The following DNM3 variants were observed in gnomAD, a reference collection of about 807,000 sequenced individuals.
DNM3 encodes dynamin 3.
In DNM3, 47 loss-of-function variants were observed where a neutral mutation model predicts 101.6. The observed-to-expected ratio is 0.46, with a 90% CI of 0.37 to 0.59. The LOEUF (loss-of-function observed/expected upper bound fraction) is 0.59, where lower values mean the gene tolerates loss of function less well. Among genes scored for constraint, DNM3 ranks in the 20% least tolerant of loss-of-function variants. The probability of loss-of-function intolerance (pLI) is 0.00; values close to 1 mark genes in which losing one functional copy is unlikely to be tolerated. For synonymous variants in DNM3, 385 were observed against 387.9 expected, an observed-to-expected ratio of 0.99 and a Z score of 0.09; for missense variants, 849 against 1,085.7, an observed-to-expected ratio of 0.78 and a Z score of 3.06.
At position 172,032,475 on chromosome 1, in the gene DNM3, G is replaced by A. The variant is rs756751584; in HGVS notation, c.663G>A (p.Glu221=). ...GAACGGATGCCAGGGATGTTCTAGA[G>A]AACAAACTGTTGCCTCTTCGCAGGG... ...DEGTDARDVL[E]NKLLPLRRGY... is the part of the protein sequence containing the mutation. Residue 221 remains glutamate, a synonymous_variant, in exon 5 of 21, where the codon GAG becomes GAA. Transcript: ENST00000627582. The A allele has an allele frequency of 2.6e-6, 4 of 1,567,140 alleles. No individual in the cohort carries two copies. Among genetic ancestry groups the A allele is most frequent in the African/African-American group, 2.8e-5 (2 of 72,004 alleles).
At chr1:172,178,783 A>G (rs988203011) in intron 14 of DNM3, among the ~76,000 whole-genome samples, 1 of 152,000 alleles carries the variant, frequency 6.6e-6, no homozygotes, top group Non-Finnish European at 1.5e-5. Context: ...GTTGATCATC[A>G]GTGATCTTTA....
intron 2 of DNM3, among the ~76,000 whole-genome samples, chr1:171,927,649 A>G (rs980260308): frequency 6.6e-6 from 1 of 152,222 alleles, no homozygotes; most frequent in African/African-American, 2.4e-5. Context: ...TTAAAAAAAT[A>G]TAGTACATAT....
chr1:172,191,885 G>A (rs2059738084), intron 14 of DNM3, among the ~76,000 whole-genome samples: 1 of 152,178 alleles, frequency 6.6e-6, no homozygotes, highest in South Asian at 2.1e-4. Flanking sequence ...AGACTTTGCT[G>A]AAGTTGCTTA....
rs1004629836 is a variant in DNM3 at position 172,325,535 on chromosome 1, A to AG, written c.1893+2195_1893+2196insG. Among the ~76,000 whole-genome samples, 464 of 152,140 alleles carry AG rather than the reference A, an allele frequency of 3.0e-3. 2 individuals carry two copies. Among genetic ancestry groups the AG allele is most frequent in the African/African-American group, 0.011 (441 of 41,482 alleles). On this transcript the variant is annotated intron_variant, in intron 17 of 20. Transcript: ENST00000627582. ...ACTGACCATAGACTCTGGCATAAAA[A>AG]AAAAGCCTCCTCAAATCACAAACAG... is the stretch of plus-strand genomic sequence containing the variant.
intron 4 of DNM3, among the ~76,000 whole-genome samples, chr1:172,007,635 C>T (rs2046785364): frequency 6.6e-6 from 1 of 152,002 alleles, no homozygotes. Flanking sequence ...TGATTATGCC[C>T]AATTTATCAA....
intron 18 of DNM3, 29 bp from the exon 19 acceptor site, chr1:172,387,104 A>G (rs1276031841): frequency 2.5e-6 from 4 of 1,580,244 alleles, no homozygotes; most frequent in Non-Finnish European, 3.5e-6. Flanking sequence ...ATTTATTCCC[A>G]TTTTTATTTC....
intron 14 of DNM3, chr1:172,137,619 G>A (rs1344984246): frequency 6.6e-6 from 1 of 152,118 alleles, no homozygotes; most frequent in Non-Finnish European, 1.5e-5. Context: ...CTTTAGTTAA[G>A]AATACATACA....
chr1:171,841,528 C>T lies in DNM3; in HGVS notation c.-129C>T. On this transcript the variant is annotated 5_prime_UTR_variant, in exon 1 of 21. Coordinates refer to ENST00000627582, the MANE Select transcript of DNM3 (RefSeq NM_015569.5). Reference sequence around the variant, plus strand: ...CAAGCGGCGGGCTGGCGGCGGGCTCCGACGTCTGCGCCAGGACCTGGCTGG... The same window carrying T: ...CAAGCGGCGGGCTGGCGGCGGGCTCTGACGTCTGCGCCAGGACCTGGCTGG... 1 of 1,313,606 alleles carries T rather than the reference C, an allele frequency of 7.6e-7. No individual in the cohort carries two copies. The highest frequency in any genetic ancestry group is 1.0e-6 in the Non-Finnish European group (1 of 995,044). The allele number at this position is 1,313,606 out of a possible 1,614,324, so 81.4% of individuals were successfully genotyped here.
At chr1:172,100,506 G>T (rs1445313881) in intron 13 of DNM3, among the ~76,000 whole-genome samples, 1 of 152,144 alleles carries the variant, frequency 6.6e-6, no homozygotes, top group Admixed American at 6.5e-5. Context: ...AACAAAGATT[G>T]CCAACATCCT....
rs1571228342 is a variant in DNM3 at position 171,848,166 on chromosome 1, G to A, written c.161+6349G>A. ...ATCATCTTCTCTTCCTCCTGTTATT[G>A]TTTTAGAGCACCTCCCTCCAACCCT... On this transcript the variant is annotated intron_variant, in intron 1 of 20. Coordinates refer to ENST00000627582, the MANE Select transcript of DNM3 (RefSeq NM_015569.5). 3.3e-5 allele frequency among the ~76,000 whole-genome samples: 5 copies of A among 152,040 alleles called. No homozygotes were observed. The South Asian group carries it at 1.0e-3, about 32-fold the overall frequency.
chr1:172,375,393 C>T (rs1170544543), intron 17 of DNM3, among the ~76,000 whole-genome samples: 1 of 151,982 alleles, frequency 6.6e-6, no homozygotes, highest in East Asian at 1.9e-4. Context: ...TAACCCATAC[C>T]CTTCCAGCCT....
intron 15 of DNM3, among the ~76,000 whole-genome samples, chr1:172,256,119 G>A (rs2062388004): frequency 6.6e-6 from 1 of 152,024 alleles, no homozygotes; most frequent in Admixed American, 6.6e-5. Flanking sequence ...GTTTAAGTTT[G>A]CTAGTATTTT....
intron 4 of DNM3, among the ~76,000 whole-genome samples, chr1:172,024,430 G>T (rs1348113942): frequency 6.6e-6 from 1 of 152,154 alleles, no homozygotes; most frequent in African/African-American, 2.4e-5. Context: ...TTATAAGGAG[G>T]TTATATAATG....
At chr1:172,208,791 T>A (rs1558728356) in intron 14 of DNM3, among the ~76,000 whole-genome samples, 1 of 152,132 alleles carries the variant, frequency 6.6e-6, no homozygotes, top group Non-Finnish European at 1.5e-5. Context: ...TTGGAAGTCA[T>A]AATAATGTAT....
intron 13 of DNM3, among the ~76,000 whole-genome samples, chr1:172,105,427 G>T (rs1167290693): frequency 1.3e-5 from 2 of 152,210 alleles, no homozygotes; most frequent in African/African-American, 4.8e-5. Flanking sequence ...GGTGAAGGAT[G>T]AACTCTTAAC....
intron 15 of DNM3, among the ~76,000 whole-genome samples, chr1:172,281,964 C>G (rs754203406): frequency 1.3e-5 from 2 of 152,106 alleles, no homozygotes; most frequent in African/African-American, 4.8e-5. Context: ...AATTTTTGGT[C>G]CTCCCAATTC....
At chr1:172,313,461 T>G (rs1280841290) in intron 16 of DNM3, among the ~76,000 whole-genome samples, 1 of 152,254 alleles carries the variant, frequency 6.6e-6, no homozygotes, top group Non-Finnish European at 1.5e-5. Context: ...TGGCACAGTT[T>G]TGTTGGCTTA....
intron 1 of DNM3, among the ~76,000 whole-genome samples, chr1:171,886,886 A>T (rs552966616): frequency 6.6e-6 from 1 of 152,298 alleles, no homozygotes; most frequent in African/African-American, 2.4e-5. Context: ...CAGATTTGTC[A>T]TCGTTTCTGG....
chr1:172,347,196 C>G (rs574324116), intron 17 of DNM3, among the ~76,000 whole-genome samples: 1 of 146,470 alleles, frequency 6.8e-6, no homozygotes, highest in African/African-American at 2.6e-5. Context: ...TAGCAGAAGC[C>G]CCCCCCGCCA....
Sources: allele counts gnomAD v4.1 joint callset (sites outside exome capture counted in the v4.1 genomes callset), GRCh38; gene constraint gnomAD v4.1.1; transcripts MANE v1.5; gene names NCBI Gene and HGNC (gene_info 2026-07-23, HGNC 2026-07-21).